WWOX: variants seen among roughly 807,000 people sequenced by gnomAD.
WWOX encodes WW domain containing oxidoreductase, also known as WW domain-containing oxidoreductase.
A neutral mutation model predicts 46.2 loss-of-function variants in WWOX; 69 were observed. The ratio of observed to expected loss-of-function variants is 1.49; its 90% CI spans 1.23 to 1.82. The LOEUF is 1.82. Ranked by LOEUF, WWOX falls within the 40% of genes most tolerant of loss-of-function variation. The pLI is 0.00. For synonymous variants in WWOX, 359 were observed against 202.6 expected, an observed-to-expected ratio of 1.77 and a Z score of -6.56; for missense variants, 919 against 542.6, an observed-to-expected ratio of 1.69 and a Z score of -6.89.
intron 5 of WWOX, among the ~76,000 whole-genome samples, chr16:78,324,957 GA>G (rs1359545305): frequency 1.1e-4 from 17 of 152,292 alleles, no homozygotes; most frequent in Middle Eastern, 3.4e-3. Flanking sequence ...TAAAAAATCT[GA>G]AAGTGTCAAT....
intron 8 of WWOX, among the ~76,000 whole-genome samples, chr16:78,681,285 G>T (rs2047722855): frequency 6.6e-6 from 1 of 151,978 alleles, no homozygotes. Context: ...TGTGCCTATG[G>T]TCCCAGCTAC....
intron 5 of WWOX, chr16:78,238,056 G>A (rs1442154934): frequency 6.6e-6 from 1 of 152,156 alleles, no homozygotes; most frequent in African/African-American, 2.4e-5. Context: ...AGTCTTGCTG[G>A]CCTCAACCCT....
chr16:78,357,393 A>G (rs2081318836), intron 5 of WWOX, among the ~76,000 whole-genome samples: 1 of 152,188 alleles, frequency 6.6e-6, no homozygotes, highest in Non-Finnish European at 1.5e-5. Context: ...TTCTCCCTGC[A>G]TAGCCACTTC....
chr16:78,264,410 C>A (rs978542507), intron 5 of WWOX: 2 of 152,140 alleles, frequency 1.3e-5, no homozygotes, highest in Non-Finnish European at 2.9e-5. Flanking sequence ...ATTATCCCCT[C>A]TTTTTAAACA....
chr16:78,784,116 G>A (rs1439714659), intron 8 of WWOX, among the ~76,000 whole-genome samples: 1 of 152,104 alleles, frequency 6.6e-6, no homozygotes, highest in Non-Finnish European at 1.5e-5. Context: ...TTTTTTAAAT[G>A]CATTTACACC....
rs1314188953 is a variant in WWOX at position 78,099,841 on chromosome 16, C to G, written c.63C>G (p.Gly21=). The G allele has an allele frequency of 1.3e-6, 2 of 1,581,930 alleles. No individual in the cohort carries two copies. Among genetic ancestry groups the G allele is most frequent in the East Asian group, 2.3e-5 (1 of 42,868 alleles). The part of the protein sequence containing the change: ...DTDSEDELPP[G]WEERTTKDGW... ...ACAGTGAGGACGAGCTGCCTCCGGGCTGGGAGGAGAGAACCACCAAGGACG... is the reference window on the plus strand; with the variant it reads ...ACAGTGAGGACGAGCTGCCTCCGGGGTGGGAGGAGAGAACCACCAAGGACG... The change falls in exon 1 of 9, where the codon GGC becomes GGG. Residue 21 remains glycine (G), a synonymous_variant. Transcript: ENST00000566780.
intron 5 of WWOX, among the ~76,000 whole-genome samples, chr16:78,218,233 A>G (rs1043974916): frequency 1.3e-5 from 2 of 151,774 alleles, no homozygotes; most frequent in East Asian, 3.9e-4. Flanking sequence ...TTATACTTAT[A>G]TTTATGTATG....
intron 8 of WWOX, among the ~76,000 whole-genome samples, chr16:79,070,783 A>C (rs1171559024): frequency 6.6e-6 from 1 of 152,228 alleles, no homozygotes; most frequent in Non-Finnish European, 1.5e-5. Context: ...TTGTTTCTTC[A>C]AAGAACACAG....
chr16:79,004,351 C>G (rs1430829488), intron 8 of WWOX: 3 of 152,230 alleles, frequency 2.0e-5, no homozygotes, highest in Non-Finnish European at 4.4e-5. Flanking sequence ...AACAGAGAAT[C>G]CATTCATGGC....
At chr16:78,790,631 C>T (rs775391558) in intron 8 of WWOX, among the ~76,000 whole-genome samples, 34 of 152,158 alleles carry the variant, frequency 2.2e-4, no homozygotes, top group Non-Finnish European at 4.6e-4. Context: ...AATTTTCTTT[C>T]TTTCTTCACC....
chr16:78,399,274 C>T (rs182277535), intron 6 of WWOX, among the ~76,000 whole-genome samples: 59 of 152,350 alleles, frequency 3.9e-4, no homozygotes, highest in African/African-American at 1.4e-3. Flanking sequence ...GTGATAGAAT[C>T]TTGAGTTGAT....
At chr16:78,417,337 G>T (rs1216494255) in intron 6 of WWOX, among the ~76,000 whole-genome samples, 1 of 152,056 alleles carries the variant, frequency 6.6e-6, no homozygotes, top group Non-Finnish European at 1.5e-5. Context: ...AAAAGATGCT[G>T]CTGTCTTGGC....
rs147412474 is a variant in WWOX, at chr16:78,575,501, C to G, written c.1056+142749C>G. Among the ~76,000 whole-genome samples the G allele has an allele frequency of 2.6e-4, 39 of 152,138 alleles. 1 individual carries two copies. Among genetic ancestry groups the G allele is most frequent in the Non-Finnish European group, 2.9e-4 (20 of 68,018 alleles). On this transcript the variant is annotated intron_variant, in intron 8 of 8. Transcript: ENST00000566780. ...TGTCTGCATGGAGGACAAGAAGGCA[C>G]AAATCGTCTGATTTCACCCCATCCT...
rs1294854077 is a variant in WWOX at position 79,163,816 on chromosome 16, A to AAAAGAG, written c.1057-47791_1057-47790insAAGAGA. Among the ~76,000 whole-genome samples the AAAAGAG allele has an allele frequency of 5.6e-5, 7 of 124,514 alleles. No individual in the cohort carries two copies. In the East Asian group the frequency reaches 1.1e-3, roughly 19 times the overall value. 81.7% of individuals were successfully genotyped at this position (124,514 alleles called of 152,430 possible). A position where few individuals can be genotyped will look rare whatever the true frequency, so the allele number is the denominator to read the frequency against. The stretch of plus-strand genomic sequence containing the variant: ...ACCTCAAAAAAAAAAAAAAAAAAAA[A>AAAAGAG]AGAGAGAGAGAATAAGGTCAGAGGG... On this transcript the variant is annotated intron_variant, in intron 8 of 8. Coordinates refer to ENST00000566780, the MANE Select transcript of WWOX (RefSeq NM_016373.4).
chr16:79,124,284 C>A (rs1423209602), intron 8 of WWOX, among the ~76,000 whole-genome samples: 2 of 152,088 alleles, frequency 1.3e-5, no homozygotes, highest in African/African-American at 4.8e-5. Flanking sequence ...GTCTTAAAAG[C>A]ATCCGCGCTT....
intron 5 of WWOX, among the ~76,000 whole-genome samples, chr16:78,202,774 T>C (rs2036273002): frequency 6.8e-6 from 1 of 147,152 alleles, no homozygotes; most frequent in Non-Finnish European, 1.5e-5. Flanking sequence ...AACCTCTCAT[T>C]ATATTTGCAA....
At chr16:78,954,198 A>ATGGATGGT (rs1200721573) in intron 8 of WWOX, among the ~76,000 whole-genome samples, 3 of 152,028 alleles carry the variant, frequency 2.0e-5, no homozygotes, top group African/African-American at 7.2e-5. Context: ...GGATGGATGG[A>ATGGATGGT]TGGATGGTTG....
intron 8 of WWOX, among the ~76,000 whole-genome samples, chr16:79,020,765 C>T (rs768224617): frequency 6.6e-6 from 1 of 152,192 alleles, no homozygotes; most frequent in South Asian, 2.1e-4. Flanking sequence ...CAGCTTCCCA[C>T]ACGTCGTGTG....
chr16:78,701,237 T>G (rs1416330620), intron 8 of WWOX, among the ~76,000 whole-genome samples: 13 of 152,132 alleles, frequency 8.5e-5, no homozygotes, highest in Non-Finnish European at 4.4e-5. Flanking sequence ...CATGTACATG[T>G]AAAGAACTAG....
Sources: gnomAD v4.1 joint callset for allele counts (sites outside exome capture counted in the v4.1 genomes callset) on GRCh38, gnomAD v4.1.1 for gene constraint, MANE v1.5 for transcripts, NCBI Gene and HGNC (gene_info 2026-07-23, HGNC 2026-07-21) for gene names.